Variants in PUS7 observed in about 807,000 individuals in gnomAD.
The protein encoded by PUS7 is pseudouridine synthase 7, also known as pseudouridylate synthase 7 homolog.
Under a neutral mutation model 79.8 loss-of-function variants are expected in PUS7, and 48 were observed. That is an observed-to-expected ratio of 0.60 (90% CI 0.48 to 0.76). PUS7 has a LOEUF of 0.76. Among genes scored for constraint, PUS7 ranks in the 30% least tolerant of loss-of-function variants. PUS7 has a pLI of 0.00. For synonymous variants in PUS7, 286 were observed against 272.2 expected, an observed-to-expected ratio of 1.05 and a Z score of -0.50; for missense variants, 729 against 797.6, an observed-to-expected ratio of 0.91 and a Z score of 1.04.
At chr7:105,459,895 C>T (rs1015514695) in intron 14 of PUS7, among the ~76,000 whole-genome samples, 4 of 152,016 alleles carry the variant, frequency 2.6e-5, no homozygotes, top group African/African-American at 9.7e-5. Context: ...ATGGTGAAAC[C>T]CCATTTCTTC....
At chr7:105,514,171 CG>C (rs1825804913) in intron 1 of PUS7, among the ~76,000 whole-genome samples, 1 of 132,822 alleles carries the variant, frequency 7.5e-6, no homozygotes, top group East Asian at 2.2e-4. Context: ...GCGGAGCTTG[CG>C]GTGAGCCGAG....
intron 14 of PUS7, chr7:105,462,355 C>A: frequency 3.0e-6 from 1 of 332,174 alleles, no homozygotes; most frequent in Non-Finnish European, 5.4e-6. Flanking sequence ...TCGCTTGAAC[C>A]TGGGAGGCAG....
chr7:105,463,991 C>G (rs1823538207), intron 13 of PUS7, among the ~76,000 whole-genome samples: 1 of 152,132 alleles, frequency 6.6e-6, no homozygotes. Context: ...CTAAGGACAA[C>G]AGGGATCCCT....
Position 105,499,620 on chromosome 7 carries a change from T to C in PUS7, c.730+2800A>G, listed in dbSNP as rs184923815. 2.6e-5 allele frequency among the ~76,000 whole-genome samples: 4 copies of C among 152,282 alleles called. No individual in the cohort carries two copies. In the East Asian group the frequency reaches 5.8e-4, roughly 22 times the overall value. Reference sequence around the variant, plus strand: ...TGCCCTATCAGACTGGCTTAACACATAAAATAATGTCTGAGTTTAAATAGT... The same window carrying C: ...TGCCCTATCAGACTGGCTTAACACACAAAATAATGTCTGAGTTTAAATAGT... On this transcript the variant is annotated intron_variant, in intron 5 of 15. Transcript: ENST00000469408.
At chr7:105,521,907 G>C (rs185133788) in intron 1 of PUS7, 145 bp downstream of exon 1, 6 of 149,448 alleles carry the variant, frequency 4.0e-5, no homozygotes, top group African/African-American at 1.5e-4. Context: ...TAATGGAGGC[G>C]CCGCGGGCTC....
At chr7:105,460,237 C>T (rs1415647422) in intron 14 of PUS7, among the ~76,000 whole-genome samples, 2 of 152,092 alleles carry the variant, frequency 1.3e-5, no homozygotes, top group East Asian at 3.9e-4. Context: ...CGTGCCCAGC[C>T]GACAATTCTT....
At chr7:105,517,909 G>A (rs1040348191) in intron 1 of PUS7, among the ~76,000 whole-genome samples, 5 of 152,168 alleles carry the variant, frequency 3.3e-5, no homozygotes, top group African/African-American at 9.7e-5. Context: ...CAGCACTTTC[G>A]GAGTCCGAGG....
At chr7:105,477,497 C>CTATGTTGG (rs1824160722) in intron 9 of PUS7, among the ~76,000 whole-genome samples, 1 of 152,000 alleles carries the variant, frequency 6.6e-6, no homozygotes. Context: ...CAATCCGCCA[C>CTATGTTGG]CCACCTCGGC....
intron 1 of PUS7, among the ~76,000 whole-genome samples, chr7:105,518,556 C>A (rs1223789209): frequency 6.6e-6 from 1 of 151,936 alleles, no homozygotes; most frequent in Non-Finnish European, 1.5e-5. Context: ...CATGTGCCAC[C>A]ATGCCCAGTT....
intron 7 of PUS7, among the ~76,000 whole-genome samples, chr7:105,489,147 CA>C (rs762504334): frequency 0.044 from 1,493 of 33,658 alleles, 11 homozygotes; most frequent in African/African-American, 0.12. Context: ...AACTCCATCT[CA>C]AAAAAAAAAA....
At chr7:105,499,846 A>G (rs1302061159) in intron 5 of PUS7, among the ~76,000 whole-genome samples, 1 of 152,248 alleles carries the variant, frequency 6.6e-6, no homozygotes, top group Non-Finnish European at 1.5e-5. Context: ...ATGATACTTT[A>G]AAAGCTAAAT....
intron 8 of PUS7, among the ~76,000 whole-genome samples, chr7:105,481,919 ACAGGGTTT>A: frequency 6.6e-6 from 1 of 152,132 alleles, no homozygotes; most frequent in East Asian, 1.9e-4. Flanking sequence ...TTTAGTAGAG[ACAGGGTTT>A]CACCGTATTA....
chr7:105,489,584 A>G (rs1382331388), intron 7 of PUS7, among the ~76,000 whole-genome samples: 1 of 152,170 alleles, frequency 6.6e-6, no homozygotes, highest in Non-Finnish European at 1.5e-5. Flanking sequence ...AAATGCTTCA[A>G]TATTTGTACA....
Position 105,470,852 on chromosome 7 carries a change from C to CG in PUS7, c.1238-5dup, listed in dbSNP as rs907621554. 7.7e-6 allele frequency: 12 copies of CG among 1,568,616 alleles called. No homozygotes were observed. The highest frequency in any genetic ancestry group is 3.7e-5 in the Admixed American group (2 of 54,774). ...TTAACCAAGTAGCCCTTTTCAGCTGCGGGGGGAAAAAGCTAGGGTTAAATG... is the reference window on the plus strand; with the variant it reads ...TTAACCAAGTAGCCCTTTTCAGCTGCGGGGGGGAAAAAGCTAGGGTTAAATG... On this transcript the variant is annotated splice_region_variant and splice_polypyrimidine_tract_variant and intron_variant, in intron 10 of 15. Coordinates refer to ENST00000469408, the MANE Select transcript of PUS7 (RefSeq NM_019042.5).
rs1478310386 is a variant in PUS7, at chr7:105,522,255, C to T, written c.-236G>A. 2.0e-5 allele frequency: 3 copies of T among 151,596 alleles called. No individual in the cohort carries two copies. Among genetic ancestry groups the T allele is most frequent in the African/African-American group, 7.3e-5 (3 of 41,332 alleles). The allele number at this position is 151,596 out of a possible 1,614,324, so 9.4% of individuals were successfully genotyped here. On this transcript the variant is annotated 5_prime_UTR_variant, in exon 1 of 16. Coordinates refer to ENST00000469408, the MANE Select transcript of PUS7 (RefSeq NM_019042.5). Reference sequence around the variant, plus strand: ...GGCTCGCACACGTGCGGCGCAGCGACGCGCCGCGGCCCGACTGGACCCGCC... The same window carrying T: ...GGCTCGCACACGTGCGGCGCAGCGATGCGCCGCGGCCCGACTGGACCCGCC...
At chr7:105,506,348 C>T (rs547001682) in intron 2 of PUS7, 75 bp from the exon 3 acceptor site, 62 of 1,052,760 alleles carry the variant, frequency 5.9e-5, no homozygotes, top group Non-Finnish European at 7.9e-5. Flanking sequence ...AGTTGATCAA[C>T]AGCAAGCCTT....
chr7:105,485,384 T>A (rs1221777569), intron 7 of PUS7, among the ~76,000 whole-genome samples: 1 of 152,140 alleles, frequency 6.6e-6, no homozygotes, highest in Non-Finnish European at 1.5e-5. Flanking sequence ...TAATTTTGTA[T>A]TTTTAGTAGA....
intron 4 of PUS7, among the ~76,000 whole-genome samples, chr7:105,505,565 A>G (rs544908911): frequency 6.6e-6 from 1 of 152,058 alleles, no homozygotes; most frequent in South Asian, 2.1e-4. Context: ...ATTCTAAACA[A>G]CATATGTCGC....
intron 11 of PUS7, 199 bp downstream of exon 11, chr7:105,470,489 A>G (rs1823828038): frequency 2.2e-6 from 1 of 445,432 alleles, no homozygotes; most frequent in Non-Finnish European, 3.8e-6. Flanking sequence ...TGTGCCCTCA[A>G]TAAGTAATGC....
Sources: allele counts gnomAD v4.1 joint callset (sites outside exome capture counted in the v4.1 genomes callset), GRCh38; gene constraint gnomAD v4.1.1; transcripts MANE v1.5; gene names NCBI Gene and HGNC (gene_info 2026-07-23, HGNC 2026-07-21).